DOCK4: variants seen among roughly 807,000 people sequenced by gnomAD.
The protein encoded by DOCK4 is dedicator of cytokinesis protein 4.
DOCK4 carries 97 observed loss-of-function variants against 268.1 expected under a neutral mutation model. The observed-to-expected ratio is 0.36, with a 90% CI of 0.31 to 0.43. The LOEUF is 0.43. Among genes scored for constraint, DOCK4 ranks in the 20% least tolerant of loss-of-function variants. DOCK4 has a pLI of 1.00. For missense variants in DOCK4, 2,145 were observed against 2,455.7 expected (o/e 0.87, Z 2.67); for synonymous variants, 954 against 887.2 (o/e 1.08, Z -1.34).
At chr7:111,900,911 C>T (rs559874967) in intron 14 of DOCK4, among the ~76,000 whole-genome samples, 2 of 152,308 alleles carry the variant, frequency 1.3e-5, no homozygotes, top group Admixed American at 1.3e-4. Flanking sequence ...AAATGGGCAA[C>T]TGTATGTCTC....
At chr7:112,171,777 A>G (rs1818105504) in intron 1 of DOCK4, among the ~76,000 whole-genome samples, 1 of 152,236 alleles carries the variant, frequency 6.6e-6, no homozygotes, top group Non-Finnish European at 1.5e-5. Flanking sequence ...TTAGTTTGCT[A>G]GGGCTGCCAT....
At chr7:111,952,284 T>C (rs1036455147) in intron 8 of DOCK4, among the ~76,000 whole-genome samples, 7 of 152,264 alleles carry the variant, frequency 4.6e-5, no homozygotes, top group South Asian at 2.1e-4. Context: ...TTTCACAGCA[T>C]AGTGTGGTAG....
chr7:111,983,137 CA>C (rs1220912400), intron 7 of DOCK4, among the ~76,000 whole-genome samples: 1 of 152,076 alleles, frequency 6.6e-6, no homozygotes, highest in Non-Finnish European at 1.5e-5. Context: ...GAATTGATTC[CA>C]ACTGACACAA....
At chr7:112,100,337 C>A (rs778134118) in intron 1 of DOCK4, among the ~76,000 whole-genome samples, 10 of 152,178 alleles carry the variant, frequency 6.6e-5, no homozygotes, top group Non-Finnish European at 1.3e-4. Flanking sequence ...GGAATAGATA[C>A]GCATTTGGAT....
At chr7:111,904,074 C>T (rs1791365427) in intron 13 of DOCK4, among the ~76,000 whole-genome samples, 1 of 152,198 alleles carries the variant, frequency 6.6e-6, no homozygotes, top group Non-Finnish European at 1.5e-5. Context: ...GACGTGGCCT[C>T]TCAGACTCCA....
intron 1 of DOCK4, among the ~76,000 whole-genome samples, chr7:112,174,129 C>T (rs1006847629): frequency 6.6e-6 from 1 of 150,866 alleles, no homozygotes; most frequent in South Asian, 2.1e-4. Flanking sequence ...CTGCTGACTT[C>T]CACCTGGACC....
Position 111,763,441 on chromosome 7 carries a change from A to C in DOCK4, c.4020+1677T>G, listed in dbSNP as rs542843274. On this transcript the variant is annotated intron_variant, in intron 39 of 52. Coordinates refer to ENST00000428084, the MANE Select transcript of DOCK4 (RefSeq NM_001363540.2). ...ATTTATACCCAGGAAAGCTATTTTT[A>C]AAAGAAGAATGATATAGAAGATTGA... Among the ~76,000 whole-genome samples, 13 of 152,334 alleles carry C rather than the reference A, an allele frequency of 8.5e-5. No individual in the cohort carries two copies. In the East Asian group the frequency reaches 1.9e-3, roughly 23 times the overall value.
chr7:112,124,128 G>C (rs578177586), intron 1 of DOCK4, among the ~76,000 whole-genome samples: 1 of 151,986 alleles, frequency 6.6e-6, no homozygotes, highest in South Asian at 2.1e-4. Context: ...GGTCTCAAGC[G>C]ATACTCCCAC....
intron 25 of DOCK4, among the ~76,000 whole-genome samples, chr7:111,841,429 G>A (rs960943819): frequency 6.6e-6 from 1 of 152,074 alleles, no homozygotes; most frequent in Non-Finnish European, 1.5e-5. Context: ...CCAAAATGCT[G>A]GGATTACAGG....
intron 1 of DOCK4, among the ~76,000 whole-genome samples, chr7:112,068,344 G>A (rs1807269753): frequency 6.6e-6 from 1 of 152,168 alleles, no homozygotes; most frequent in South Asian, 2.1e-4. Flanking sequence ...TACCCAGATT[G>A]CTTTGGGTCA....
rs1432189845 is a variant in DOCK4, at chr7:111,984,298, G to A, written c.549+8C>T. On this transcript the variant is annotated splice_region_variant and intron_variant, in intron 7 of 52. Coordinates refer to ENST00000428084, the MANE Select transcript of DOCK4 (RefSeq NM_001363540.2). ...GGAAGACTGGAAGCCAAGATTTCCT[G>A]TACCTACCAATCGGTAGAGCTCAGT... 1.2e-6 allele frequency: 2 copies of A among 1,608,154 alleles called. No homozygotes were observed. The highest frequency in any genetic ancestry group is 1.3e-5 in the African/African-American group (1 of 74,842).
chr7:112,106,693 G>A (rs1811171348), intron 1 of DOCK4, among the ~76,000 whole-genome samples: 1 of 152,190 alleles, frequency 6.6e-6, no homozygotes, highest in African/African-American at 2.4e-5. Context: ...AGAGCTGAAT[G>A]AATTGGCTTG....
intron 1 of DOCK4, among the ~76,000 whole-genome samples, chr7:112,031,239 T>C (rs1282908221): frequency 6.6e-6 from 1 of 152,214 alleles, no homozygotes; most frequent in Non-Finnish European, 1.5e-5. Flanking sequence ...TTCAGCCCAG[T>C]GCATTGCCTA....
At chr7:112,133,136 T>C (rs1427723590) in intron 1 of DOCK4, among the ~76,000 whole-genome samples, 3 of 152,158 alleles carry the variant, frequency 2.0e-5, no homozygotes, top group African/African-American at 4.8e-5. Context: ...ATACAGGTCA[T>C]ACCGCATCTC....
Position 111,933,139 on chromosome 7 carries a change from CAT to C in DOCK4, c.1066+2399_1066+2400del, listed in dbSNP as rs1287611656. ...ATACACATATATATACGTATATACACATATATATACGTATATACACATATATA... is the reference window on the plus strand; with the variant it reads ...ATACACATATATATACGTATATACACATATATACGTATATACACATATATA... On this transcript the variant is annotated intron_variant, in intron 12 of 52. Coordinates refer to ENST00000428084, the MANE Select transcript of DOCK4 (RefSeq NM_001363540.2). Among the ~76,000 whole-genome samples the C allele has an allele frequency of 9.1e-3, 575 of 62,998 alleles. 28 individuals carry two copies. Among genetic ancestry groups the C allele is most frequent in the African/African-American group, 0.038 (376 of 9,892 alleles). 41.3% of individuals were successfully genotyped at this position (62,998 alleles called of 152,430 possible). A position where few individuals can be genotyped will look rare whatever the true frequency, so the allele number is the denominator to read the frequency against.
In DOCK4 at chr7:111,876,110, T is replaced by C. The variant is rs546081058; in HGVS notation, c.1744+920A>G. The stretch of plus-strand genomic sequence containing the variant: ...TTGGTAAATGCTTTATAATCATTTA[T>C]TGAGTTATGCCAATGGAGGTTTTAT... On this transcript the variant is annotated intron_variant, in intron 17 of 52. Transcript: ENST00000428084. 2.4e-4 allele frequency among the ~76,000 whole-genome samples: 36 copies of C among 152,342 alleles called. 1 individual carries two copies. The highest frequency in any genetic ancestry group is 2.4e-3 in the Admixed American group (36 of 15,298).
intron 21 of DOCK4, 163 bp downstream of exon 21, chr7:111,869,411 T>C: frequency 1.6e-6 from 1 of 642,908 alleles, no homozygotes. Context: ...CCCCTTCAAA[T>C]TTCATCAGCT....
intron 28 of DOCK4, among the ~76,000 whole-genome samples, chr7:111,809,754 T>A (rs1005554467): frequency 6.6e-6 from 1 of 152,238 alleles, no homozygotes; most frequent in East Asian, 1.9e-4. Flanking sequence ...TGTCTGAGTA[T>A]CTCCAAGAGG....
At chr7:112,012,454 T>C (rs1801414582) in intron 1 of DOCK4, among the ~76,000 whole-genome samples, 1 of 152,220 alleles carries the variant, frequency 6.6e-6, no homozygotes, top group African/African-American at 2.4e-5. Context: ...GATGCAACTT[T>C]TACCATTCAT....
Sources: gnomAD v4.1 joint callset for allele counts (sites outside exome capture counted in the v4.1 genomes callset) on GRCh38, gnomAD v4.1.1 for gene constraint, MANE v1.5 for transcripts, NCBI Gene and HGNC (gene_info 2026-07-23, HGNC 2026-07-21) for gene names.